ASTN2: variants seen among roughly 807,000 people sequenced by gnomAD.
The protein encoded by ASTN2 is astrotactin 2.
In ASTN2, 54 loss-of-function variants were observed where a neutral mutation model predicts 139.8. The ratio of observed to expected loss-of-function variants is 0.39; its 90% confidence interval spans 0.31 to 0.48. The LOEUF (loss-of-function observed/expected upper bound fraction) is 0.48. Among genes scored for constraint, ASTN2 ranks in the 20% least tolerant of loss-of-function variants. The pLI is 0.95. For missense variants in ASTN2, 1,565 were observed against 1,725.1 expected (o/e 0.91, Z 1.64); for synonymous variants, 756 against 719.5 (o/e 1.05, Z -0.81).
chr9:116,625,481 G>A (rs1203433652), intron 17 of ASTN2, among the ~76,000 whole-genome samples: 2 of 152,120 alleles, frequency 1.3e-5, no homozygotes, highest in Admixed American at 6.5e-5. Context: ...CTGTCTCCCT[G>A]GTGCCGCCCA....
Position 116,699,867 on chromosome 9 carries a change from T to C in ASTN2, c.2806+25904A>G. ...CATCTTTTAATGTTTTTATTTGTTA[T>C]GTCCCCCTCCCCGCTTCCCACCTAA... is the stretch of plus-strand genomic sequence containing the variant. On this transcript the variant is annotated intron_variant, in intron 16 of 22. Coordinates refer to ENST00000313400, the MANE Select transcript of ASTN2 (RefSeq NM_001365068.1). This position sits in a 1 kb window ranked among gnomAD's most constrained non-coding sequence, Gnocchi z 4.2. 1.1e-6 allele frequency: 1 copy of C among 940,906 alleles called. No homozygotes were observed. Among genetic ancestry groups the C allele is most frequent in the Non-Finnish European group, 1.6e-6 (1 of 623,106 alleles). 58.3% of individuals were successfully genotyped at this position (940,906 alleles called of 1,614,324 possible).
chr9:116,762,037 A>G (rs1049299147), intron 13 of ASTN2, among the ~76,000 whole-genome samples: 1 of 152,190 alleles, frequency 6.6e-6, no homozygotes, highest in African/African-American at 2.4e-5. Context: ...GCTCCCTGAG[A>G]GTCAGGGCCT....
At chr9:116,975,124 T>A in intron 10 of ASTN2, 84 bp downstream of exon 10, 1 of 1,411,318 alleles carries the variant, frequency 7.1e-7, no homozygotes, top group Non-Finnish European at 9.4e-7. Context: ...AGAACACTCC[T>A]TAGGGGTTCC....
chr9:116,786,670 C>A (rs140477084), intron 13 of ASTN2, among the ~76,000 whole-genome samples: 48 of 152,212 alleles, frequency 3.2e-4, no homozygotes, highest in African/African-American at 1.0e-3. Flanking sequence ...CATTGAATGT[C>A]TTTTATACTG....
At chr9:117,316,681 A>G (rs966525450) in intron 1 of ASTN2, among the ~76,000 whole-genome samples, 4 of 152,032 alleles carry the variant, frequency 2.6e-5, no homozygotes, top group Admixed American at 6.6e-5. Context: ...TGACCGGAAC[A>G]CTCTAACTCC....
At chr9:116,757,970 TTGAA>T (rs761780004) in intron 13 of ASTN2, among the ~76,000 whole-genome samples, 156 of 152,234 alleles carry the variant, frequency 1.0e-3, no homozygotes, top group Admixed American at 5.0e-3. Context: ...TAAGAATTTG[TTGAA>T]TGAATGAATG....
At chr9:116,903,603 C>T (rs12348428) in intron 10 of ASTN2, among the ~76,000 whole-genome samples, 1 of 152,130 alleles carries the variant, frequency 6.6e-6, no homozygotes, top group Non-Finnish European at 1.5e-5. Context: ...ATATCCTGGC[C>T]TGGGTGCTGA....
rs386416041 is a variant in ASTN2 at position 116,977,715 on chromosome 9, CTTT to C, written c.1592-933_1592-931del. On this transcript the variant is annotated intron_variant, in intron 7 of 22. Transcript: ENST00000313400. ...TACTTAAGGTATAGAATTTCTTTTT[CTTT>C]TTTTTTTTTTTTTTGAGACTGAGAG... Among the ~76,000 whole-genome samples the C allele has an allele frequency of 8.6e-4, 105 of 122,160 alleles. 1 individual carries two copies. The highest frequency in any genetic ancestry group is 4.3e-3 in the Middle Eastern group (1 of 232). The allele number at this position is 122,160 out of a possible 152,430, so 80.1% of individuals were successfully genotyped here. A position where few individuals can be genotyped will look rare whatever the true frequency, so the allele number is the denominator to read the frequency against.
chr9:117,329,436 AAGAGGGAGAGG>A (rs931696627), intron 1 of ASTN2, among the ~76,000 whole-genome samples: 5 of 152,020 alleles, frequency 3.3e-5, no homozygotes, highest in African/African-American at 7.2e-5. Flanking sequence ...CAGGAAAGGA[AAGAGGGAGAGG>A]AGAGGGAGAG....
intron 22 of ASTN2, among the ~76,000 whole-genome samples, chr9:116,431,796 T>C (rs1003577291): frequency 6.6e-6 from 1 of 152,168 alleles, no homozygotes; most frequent in African/African-American, 2.4e-5. Context: ...AAGCCAGTCA[T>C]TGATTTGACC....
At chr9:116,727,896 G>A (rs1828674044) in intron 15 of ASTN2, among the ~76,000 whole-genome samples, 1 of 152,164 alleles carries the variant, frequency 6.6e-6, no homozygotes, top group Non-Finnish European at 1.5e-5. Flanking sequence ...CTTAACAGAT[G>A]TCAGCAATAA....
At chr9:116,801,597 A>G (rs1830858117) in intron 13 of ASTN2, among the ~76,000 whole-genome samples, 1 of 149,026 alleles carries the variant, frequency 6.7e-6, no homozygotes, top group Non-Finnish European at 1.5e-5. Context: ...AAAAAAAAAA[A>G]AAAAAAAAAA....
chr9:116,529,876 C>A (rs1182051481), intron 19 of ASTN2, among the ~76,000 whole-genome samples: 1 of 151,986 alleles, frequency 6.6e-6, no homozygotes, highest in African/African-American at 2.4e-5. Context: ...CCATGGGGAA[C>A]TGTGAGTAAA....
At chr9:117,175,612 A>G (rs1830897235) in intron 3 of ASTN2, among the ~76,000 whole-genome samples, 1 of 152,226 alleles carries the variant, frequency 6.6e-6, no homozygotes, top group African/African-American at 2.4e-5. Flanking sequence ...CAGATACACG[A>G]GGACTTGTCC....
chr9:116,717,768 C>T (rs116683784), intron 16 of ASTN2, among the ~76,000 whole-genome samples: 183 of 152,346 alleles, frequency 1.2e-3, no homozygotes, highest in African/African-American at 4.2e-3. Flanking sequence ...GCTTTTAATA[C>T]ATCAGTAGTC....
intron 13 of ASTN2, among the ~76,000 whole-genome samples, chr9:116,739,791 A>G (rs1386551042): frequency 6.6e-6 from 1 of 152,246 alleles, no homozygotes; most frequent in Non-Finnish European, 1.5e-5. Flanking sequence ...TGCCTGAGTA[A>G]AACTGAGAAA....
At chr9:117,028,863 G>A (rs1838171477) in intron 6 of ASTN2, among the ~76,000 whole-genome samples, 1 of 152,144 alleles carries the variant, frequency 6.6e-6, no homozygotes, top group African/African-American at 2.4e-5. Flanking sequence ...TTGAACCCCA[G>A]TATTTCTCCC....
At chr9:117,325,898 A>G (rs1306262621) in intron 1 of ASTN2, among the ~76,000 whole-genome samples, 1 of 152,140 alleles carries the variant, frequency 6.6e-6, no homozygotes, top group Non-Finnish European at 1.5e-5. Context: ...AGGTCATATA[A>G]GTGCTTGGAG....
chr9:117,276,207 T>C (rs532379437), intron 2 of ASTN2, among the ~76,000 whole-genome samples: 13 of 152,290 alleles, frequency 8.5e-5, no homozygotes, highest in Non-Finnish European at 1.6e-4. Context: ...ATGATTTTAT[T>C]TGAGAAGGTA....
Sources: gnomAD v4.1 joint callset for allele counts (sites outside exome capture counted in the v4.1 genomes callset) on GRCh38, gnomAD v4.1.1 for gene constraint, Gnocchi (gnomAD v3.1) non-coding constraint, MANE v1.5 for transcripts, NCBI Gene and HGNC (gene_info 2026-07-23, HGNC 2026-07-21) for gene names.